Variants in CDC7 observed in about 807,000 individuals in gnomAD.
The protein encoded by CDC7 is cell division cycle 7.
A neutral mutation model predicts 53.5 loss-of-function variants in CDC7; 34 were observed. The ratio of observed to expected loss-of-function variants is 0.64; its 90% confidence interval spans 0.48 to 0.85. The LOEUF (loss-of-function observed/expected upper bound fraction) is 0.85, where lower values mean the gene tolerates loss of function less well. CDC7 is among the 40% of genes least tolerant of loss of function. CDC7 has a pLI of 0.00. For missense variants in CDC7, 594 were observed against 679.7 expected, an observed-to-expected ratio of 0.87 and a Z score of 1.40; for synonymous variants, 211 against 222.8, an observed-to-expected ratio of 0.95 and a Z score of 0.47.
chr1:91,521,132 G>A (rs1051198938), intron 11 of CDC7, among the ~76,000 whole-genome samples: 2 of 152,212 alleles, frequency 1.3e-5, no homozygotes, highest in Non-Finnish European at 2.9e-5. Context: ...TAGCTGGGCT[G>A]TCTTGTGCTC....
chr1:91,512,968 C>G, intron 6 of CDC7, 90 bp from the exon 7 acceptor site: 1 of 1,043,224 alleles, frequency 9.6e-7, no homozygotes, highest in Non-Finnish European at 1.4e-6. Context: ...AAAAGAATTA[C>G]AGTTTTTATG....
intron 11 of CDC7, among the ~76,000 whole-genome samples, chr1:91,523,839 C>T (rs556873712): frequency 6.6e-6 from 1 of 152,182 alleles, no homozygotes; most frequent in South Asian, 2.1e-4. Flanking sequence ...CACTTTATCT[C>T]CCACTATGCA....
intron 10 of CDC7, among the ~76,000 whole-genome samples, chr1:91,517,020 G>A (rs1557597736): frequency 1.3e-5 from 2 of 152,128 alleles, no homozygotes; most frequent in South Asian, 4.2e-4. Flanking sequence ...AGCCAAGATC[G>A]CACCATTGCC....
chr1:91,513,157 A>C lies in CDC7; in HGVS notation c.672A>C (p.Ser224=). The change falls in exon 7 of 12, where the codon TCA becomes TCC. Residue 224 remains serine (S), a synonymous_variant. Transcript: ENST00000234626. ...VQSEAQQERC[S]QNKSHIITGN... is the part of the protein sequence containing the mutation. ...CTGAAGCTCAGCAGGAAAGGTGTTCACAAAACAAATCCCACATAATCACAG... is the reference window on the plus strand; with the variant it reads ...CTGAAGCTCAGCAGGAAAGGTGTTCCCAAAACAAATCCCACATAATCACAG... 1 of 1,613,816 alleles carries C rather than the reference A, an allele frequency of 6.2e-7. No individual in the cohort carries two copies. The highest frequency in any genetic ancestry group is 8.5e-7 in the Non-Finnish European group (1 of 1,179,804).
chr1:91,515,966 T>C, intron 10 of CDC7, 90 bp downstream of exon 10: 1 of 1,067,036 alleles, frequency 9.4e-7, no homozygotes, highest in Non-Finnish European at 1.4e-6. Flanking sequence ...ATAACTAATA[T>C]TTGAGTTCTT....
At chr1:91,522,925 A>G (rs1668042121) in intron 11 of CDC7, among the ~76,000 whole-genome samples, 1 of 152,226 alleles carries the variant, frequency 6.6e-6, no homozygotes, top group Non-Finnish European at 1.5e-5. Context: ...CATTCTCAGA[A>G]AGGCATCTAA....
At chr1:91,503,535 A>C (rs1335858149) in intron 2 of CDC7, among the ~76,000 whole-genome samples, 3 of 152,236 alleles carry the variant, frequency 2.0e-5, no homozygotes, top group Non-Finnish European at 2.9e-5. Context: ...AGAGCTTAAC[A>C]GTGTCCAGCA....
Position 91,501,760 on chromosome 1 carries a change from T to C in CDC7, c.44T>C (p.Phe15Ser), listed in dbSNP as rs904467745. The change falls in exon 2 of 12, where the codon TTT becomes TCT. Residue 15 changes from phenylalanine (F) to serine (S), a missense_variant. By Grantham distance (155) the Phe-to-Ser change is radical. Coordinates refer to ENST00000234626, the MANE Select transcript of CDC7 (RefSeq NM_003503.4). Reference protein sequence around the residue: ...LGIQMDEPMAFSPQRDRFQAE... With the variant: ...LGIQMDEPMASSPQRDRFQAE... ...ATTCAGATGGATGAGCCAATGGCTT[T>C]TTCTCCCCAGCGTGACCGGTTTCAG... The C allele has an allele frequency of 6.2e-7, 1 of 1,614,128 alleles. No individual in the cohort carries two copies.
chr1:91,510,701 A>G (rs540959904), intron 4 of CDC7, among the ~76,000 whole-genome samples: 20 of 152,190 alleles, frequency 1.3e-4, no homozygotes, highest in East Asian at 3.9e-4. Context: ...CTTACAATGC[A>G]GTCAGGCAAA....
At chr1:91,518,093 C>CAAAAAAAAAAAAAAAAAAAAAAA (rs55787737) in intron 10 of CDC7, among the ~76,000 whole-genome samples, 3 of 46,020 alleles carry the variant, frequency 6.5e-5, no homozygotes, top group African/African-American at 2.7e-4. Context: ...GACTCAGTCT[C>CAAAAAAAAAAAAAAAAAAAAAAA]AAAAAAAAAA....
chr1:91,515,696 A>G (rs1667522959), intron 9 of CDC7, 98 bp from the exon 10 acceptor site: 1 of 1,457,078 alleles, frequency 6.9e-7, no homozygotes, highest in Admixed American at 2.2e-5. Flanking sequence ...TATAGGTATC[A>G]AGGCAAAATT....
At position 91,513,250 on chromosome 1, in the gene CDC7, T is replaced by C; in HGVS notation, c.765T>C (p.Ser255=). Residue 255 remains serine, a synonymous_variant, in exon 7 of 12, where the codon TCT becomes TCC. Transcript: ENST00000234626. ...ELDQQSTTKA[S]VKRPYTNAQI... ...ATCAGCAGTCCACCACAAAAGCTTCTGTTAAAAGACCCTACACAAATGCAC... is the reference window on the plus strand; with the variant it reads ...ATCAGCAGTCCACCACAAAAGCTTCCGTTAAAAGACCCTACACAAATGCAC... 6.2e-7 allele frequency: 1 copy of C among 1,613,478 alleles called. No individual in the cohort carries two copies. Among genetic ancestry groups the C allele is most frequent in the Non-Finnish European group, 8.5e-7 (1 of 1,179,528 alleles).
chr1:91,502,971 C>T (rs1376938504), intron 2 of CDC7, among the ~76,000 whole-genome samples: 1 of 152,096 alleles, frequency 6.6e-6, no homozygotes, highest in African/African-American at 2.4e-5. Context: ...TCACTGGACA[C>T]ATAACACAGT....
Position 91,511,598 on chromosome 1 carries a change from G to C in CDC7, c.337G>C (p.Gly113Arg), listed in dbSNP as rs1209159310. 1 of 1,582,348 alleles carries C rather than the reference G, an allele frequency of 6.3e-7. No individual in the cohort carries two copies. The highest frequency in any genetic ancestry group is 8.7e-7 in the Non-Finnish European group (1 of 1,155,900). The change falls in exon 5 of 12, where the codon GGG becomes CGG. Residue 113 changes from glycine to arginine, a missense_variant and splice_region_variant. Transcript: ENST00000234626. ...AELQCLTVAG[G>R]QDNVMGVKYC... ...GTTCCTTGTGCATTTTTCCACTAGG[G>C]GGCAAGATAATGTCATGGGAGTTAA...
chr1:91,511,870 T>C lies in CDC7; in HGVS notation c.519T>C (p.Ile173=), dbSNP rs1318472987. ...KALKRIHQFG[I]VHRDVKPSNF... ...TGAAACGCATTCATCAGTTTGGTAT[T>C]GTTCACCGTGATGTTAAGCCCAGCA... Residue 173 remains isoleucine (I), a synonymous_variant, in exon 6 of 12, where the codon ATT becomes ATC. Transcript: ENST00000234626. 1 of 1,600,994 alleles carries C rather than the reference T, an allele frequency of 6.2e-7. No individual in the cohort carries two copies. Among genetic ancestry groups the C allele is most frequent in the Non-Finnish European group, 8.5e-7 (1 of 1,170,018 alleles).
At chr1:91,515,056 G>T in intron 9 of CDC7, 59 bp downstream of exon 9, 1 of 1,456,632 alleles carries the variant, frequency 6.9e-7, no homozygotes, top group South Asian at 1.2e-5. Context: ...AAATTGCATT[G>T]ACTTGGGTGG....
At chr1:91,509,909 T>C (rs1056689303) in intron 4 of CDC7, among the ~76,000 whole-genome samples, 1 of 152,198 alleles carries the variant, frequency 6.6e-6, no homozygotes, top group African/African-American at 2.4e-5. Context: ...CAGTCATTGC[T>C]TGCTGACCCT....
chr1:91,519,198 C>A (rs188972991), intron 10 of CDC7, among the ~76,000 whole-genome samples: 8 of 147,920 alleles, frequency 5.4e-5, no homozygotes, highest in Non-Finnish European at 8.9e-5. Flanking sequence ...ATCACTTGAG[C>A]CCAGGAGCTT....
Position 91,515,926 on chromosome 1 carries a change from C to T in CDC7, c.1180+50C>T, listed in dbSNP as rs759236240. The T allele has an allele frequency of 2.4e-5, 34 of 1,395,890 alleles. No homozygotes were observed. The Middle Eastern group carries it at 8.9e-4, about 36-fold the overall frequency. 86.5% of individuals were successfully genotyped at this position (1,395,890 alleles called of 1,614,324 possible). A position where few individuals can be genotyped will look rare whatever the true frequency, so the allele number is the denominator to read the frequency against. ...CCTAGTTAAAATGGATTGTTCCAGA[C>T]GTATTTTATTTTATGATCTTTGTCT... On this transcript the variant is annotated intron_variant, in intron 10 of 11. Coordinates refer to ENST00000234626, the MANE Select transcript of CDC7 (RefSeq NM_003503.4).
Sources: allele counts gnomAD v4.1 joint callset (sites outside exome capture counted in the v4.1 genomes callset), GRCh38; gene constraint gnomAD v4.1.1; transcripts MANE v1.5; gene names NCBI Gene and HGNC (gene_info 2026-07-23, HGNC 2026-07-21).